MYO10: variants seen among roughly 807,000 people sequenced by gnomAD.
MYO10 encodes myosin X, also known as unconventional myosin-X.
In MYO10, 133 loss-of-function variants were observed where a neutral mutation model predicts 257.3. That is an observed-to-expected ratio of 0.52 (90% CI 0.45 to 0.60). The LOEUF (loss-of-function observed/expected upper bound fraction) is 0.60, where lower values mean the gene tolerates loss of function less well. Ranked by LOEUF, MYO10 falls within the 20% of genes least tolerant of loss-of-function variation. The pLI is 0.00. For synonymous variants in MYO10, 1,104 were observed against 1,028.6 expected, an observed-to-expected ratio of 1.07 and a Z score of -1.40; for missense variants, 2,399 against 2,635.7, an observed-to-expected ratio of 0.91 and a Z score of 1.97.
chr5:16,679,673 C>T (rs1736897473), intron 33 of MYO10, among the ~76,000 whole-genome samples: 4 of 151,880 alleles, frequency 2.6e-5, no homozygotes, highest in Admixed American at 2.0e-4. Flanking sequence ...TACAGGAATG[C>T]GTCACTACAC....
Position 16,670,832 on chromosome 5 carries a change from T to C in MYO10, c.5577A>G (p.Arg1859=), listed in dbSNP as rs747033325. 4.3e-6 allele frequency: 7 copies of C among 1,613,814 alleles called. No individual in the cohort carries two copies. The African/African-American group carries it at 9.3e-5, about 22-fold the overall frequency. The change falls in exon 39 of 41, where the codon AGA becomes AGG. Residue 1859 remains arginine (R), a synonymous_variant. Transcript: ENST00000513610. ...PPLEEVYSLQ[R]LKARISQSTK... is the part of the protein sequence containing the mutation. ...TTGACTGGCTGATGCGGGCCTTGAG[T>C]CTCTGCAGGGAATAAACCTCTTCGA...
chr5:16,925,395 C>T (rs1376157816), intron 1 of MYO10, among the ~76,000 whole-genome samples: 1 of 152,168 alleles, frequency 6.6e-6, no homozygotes, highest in African/African-American at 2.4e-5. Context: ...CATTTTCTGG[C>T]CAATATGCAT....
chr5:16,746,916 A>G (rs139922652), intron 19 of MYO10, among the ~76,000 whole-genome samples: 166 of 152,302 alleles, frequency 1.1e-3, no homozygotes, highest in African/African-American at 3.5e-3. Flanking sequence ...TTCCATCTCA[A>G]TGTTAAAATC....
chr5:16,797,428 T>C (rs1263308288), intron 3 of MYO10, among the ~76,000 whole-genome samples: 1 of 151,868 alleles, frequency 6.6e-6, no homozygotes, highest in Non-Finnish European at 1.5e-5. Context: ...TAAAAAAAGG[T>C]TAAAAACATA....
intron 1 of MYO10, among the ~76,000 whole-genome samples, chr5:16,882,611 G>A (rs989384837): frequency 1.6e-4 from 24 of 152,052 alleles, no homozygotes; most frequent in African/African-American, 5.8e-4. Context: ...CAACAAAGAT[G>A]GACCATACAC....
In MYO10 at chr5:16,864,731, A is replaced by C. The variant is rs191698725; in HGVS notation, c.120+12878T>G. ...AAGCAGACGAGTTTTTTTTCTTTCTATAATCCCAGAGTGAAAATTAATGGA... is the reference window on the plus strand; with the variant it reads ...AAGCAGACGAGTTTTTTTTCTTTCTCTAATCCCAGAGTGAAAATTAATGGA... On this transcript the variant is annotated intron_variant, in intron 2 of 40. Coordinates refer to ENST00000513610, the MANE Select transcript of MYO10 (RefSeq NM_012334.3). Among the ~76,000 whole-genome samples the C allele has an allele frequency of 8.6e-3, 1,310 of 152,324 alleles. 52 individuals carry two copies. The highest frequency in any genetic ancestry group is 0.079 in the Admixed American group (1,209 of 15,298).
intron 25 of MYO10, among the ~76,000 whole-genome samples, chr5:16,699,822 G>GA (rs1393105419): frequency 2.3e-5 from 3 of 133,314 alleles, no homozygotes; most frequent in Admixed American, 7.5e-5. Flanking sequence ...AAAGGAAAAA[G>GA]AAAAAAAACA....
At chr5:16,834,477 G>T (rs1017550855) in intron 2 of MYO10, among the ~76,000 whole-genome samples, 18 of 152,116 alleles carry the variant, frequency 1.2e-4, no homozygotes, top group African/African-American at 4.3e-4. Context: ...TGGGGACCAG[G>T]ACTTGTCTCA....
intron 28 of MYO10, among the ~76,000 whole-genome samples, chr5:16,689,006 C>G (rs2126517864): frequency 6.6e-6 from 1 of 152,288 alleles, no homozygotes; most frequent in Non-Finnish European, 1.5e-5. Context: ...CCAATGAAGG[C>G]CTCCACCCTC....
chr5:16,737,162 A>G (rs562179337), intron 19 of MYO10, among the ~76,000 whole-genome samples: 1 of 152,290 alleles, frequency 6.6e-6, no homozygotes, highest in Non-Finnish European at 1.5e-5. Context: ...CTAAATGTGG[A>G]GGGTGAGGGG....
At chr5:16,822,991 T>C (rs1444928596) in intron 2 of MYO10, among the ~76,000 whole-genome samples, 1 of 151,718 alleles carries the variant, frequency 6.6e-6, no homozygotes. Context: ...CCGGCCTAAT[T>C]TGGAAAGATT....
chr5:16,762,500 G>T (rs749452775), intron 15 of MYO10, 45 bp downstream of exon 15: 7 of 1,459,248 alleles, frequency 4.8e-6, no homozygotes, highest in Non-Finnish European at 9.4e-7. Context: ...CCAACCCACA[G>T]ACGTGCTACT....
chr5:16,844,919 C>T (rs1743584050), intron 2 of MYO10, among the ~76,000 whole-genome samples: 1 of 150,652 alleles, frequency 6.6e-6, no homozygotes, highest in Admixed American at 6.6e-5. Flanking sequence ...GATTTTATTC[C>T]AACAAAGTAA....
intron 3 of MYO10, among the ~76,000 whole-genome samples, chr5:16,796,094 C>T (rs1741931975): frequency 6.7e-6 from 1 of 149,584 alleles, no homozygotes; most frequent in Non-Finnish European, 1.5e-5. Flanking sequence ...GAGGCTGAGG[C>T]AGGAGAATCT....
intron 2 of MYO10, among the ~76,000 whole-genome samples, chr5:16,843,926 G>A (rs78223523): frequency 0.021 from 3,259 of 152,100 alleles, 50 homozygotes; most frequent in Middle Eastern, 0.054. Flanking sequence ...ATAATTACAT[G>A]GTTATACAAG....
chr5:16,843,563 C>G (rs976021180), intron 2 of MYO10, among the ~76,000 whole-genome samples: 4 of 152,154 alleles, frequency 2.6e-5, no homozygotes, highest in Admixed American at 2.6e-4. Context: ...CTACTGGGCA[C>G]CATCACTATG....
At chr5:16,727,802 G>A (rs1043105950) in intron 19 of MYO10, among the ~76,000 whole-genome samples, 2 of 149,446 alleles carry the variant, frequency 1.3e-5, no homozygotes, top group African/African-American at 4.9e-5. Flanking sequence ...CAGCGCTGAG[G>A]ACAGAGCTGT....
At chr5:16,767,627 T>G (rs907368142) in intron 10 of MYO10, among the ~76,000 whole-genome samples, 52 of 152,162 alleles carry the variant, frequency 3.4e-4, no homozygotes, top group African/African-American at 1.2e-3. Flanking sequence ...TTGTTCTTTT[T>G]AAATTAATAA....
rs1445524671 is a variant in MYO10, at chr5:16,936,113, G to C, written c.-305C>G. On this transcript the variant is annotated 5_prime_UTR_variant, in exon 1 of 41. Coordinates refer to ENST00000513610, the MANE Select transcript of MYO10 (RefSeq NM_012334.3). ...TGGCACATTCTTCCCCCAGGCGGGG[G>C]AAGGCGGCGGGGTGCTGGCGAGCGC... 1 of 422,876 alleles carries C rather than the reference G, an allele frequency of 2.4e-6. No individual in the cohort carries two copies. Among genetic ancestry groups the C allele is most frequent in the African/African-American group, 2.1e-5 (1 of 47,196 alleles). 26.2% of individuals were successfully genotyped at this position (422,876 alleles called of 1,614,324 possible).
Sources: gnomAD v4.1 joint callset for allele counts (sites outside exome capture counted in the v4.1 genomes callset) on GRCh38, gnomAD v4.1.1 for gene constraint, MANE v1.5 for transcripts, NCBI Gene and HGNC (gene_info 2026-07-23, HGNC 2026-07-21) for gene names.